The following ERC2 variants were observed in gnomAD, a reference collection of about 807,000 sequenced individuals.
The protein encoded by ERC2 is ELKS/RAB6-interacting/CAST family member 2.
In ERC2, 42 loss-of-function variants were observed where a neutral mutation model predicts 114.8. The observed-to-expected ratio is 0.37, with a 90% CI of 0.29 to 0.47. The LOEUF is 0.47. ERC2 is among the 20% of genes least tolerant of loss of function. The probability of loss-of-function intolerance (pLI) is 0.99; values close to 1 mark genes in which losing one functional copy is unlikely to be tolerated. For synonymous variants in ERC2, 454 were observed against 425.5 expected (o/e 1.07, Z -0.82); for missense variants, 939 against 1,150.7 (o/e 0.82, Z 2.66).
chr3:55,990,200 C>A (rs1386135107), intron 11 of ERC2, among the ~76,000 whole-genome samples: 1 of 152,006 alleles, frequency 6.6e-6, no homozygotes, highest in African/African-American at 2.4e-5. Flanking sequence ...AAAATTAAAA[C>A]AAAGCCCTTT....
chr3:56,452,137 T>C (rs1192672654), intron 1 of ERC2, among the ~76,000 whole-genome samples: 2 of 152,366 alleles, frequency 1.3e-5, no homozygotes, highest in East Asian at 3.9e-4. Context: ...AGGATATTCT[T>C]GATCAGCACA....
intron 14 of ERC2, among the ~76,000 whole-genome samples, chr3:55,831,138 T>C (rs1236722651): frequency 1.5e-5 from 2 of 132,140 alleles, no homozygotes; most frequent in East Asian, 2.1e-4. Context: ...AAGACCCCTC[T>C]CTACAAAAAA....
intron 14 of ERC2, among the ~76,000 whole-genome samples, chr3:55,832,778 GAGA>G (rs2060666715): frequency 6.6e-6 from 1 of 152,216 alleles, no homozygotes. Flanking sequence ...GACGAGTTGA[GAGA>G]AGAAGGCCTC....
At chr3:55,876,103 A>G (rs1326931136) in intron 14 of ERC2, among the ~76,000 whole-genome samples, 3 of 152,182 alleles carry the variant, frequency 2.0e-5, no homozygotes, top group African/African-American at 7.2e-5. Context: ...TTTAGGAGGG[A>G]CCAAGAACAT....
chr3:55,609,128 C>T (rs1284341928), intron 17 of ERC2, among the ~76,000 whole-genome samples: 5 of 152,116 alleles, frequency 3.3e-5, no homozygotes, highest in South Asian at 2.1e-4. Context: ...TTAACAGCAA[C>T]GCTAGGGCAA....
At chr3:56,386,982 G>C (rs1197859076) in intron 2 of ERC2, among the ~76,000 whole-genome samples, 1 of 152,140 alleles carries the variant, frequency 6.6e-6, no homozygotes, top group Non-Finnish European at 1.5e-5. Flanking sequence ...CCTGTGAGAG[G>C]GACCTGCGTG....
intron 12 of ERC2, among the ~76,000 whole-genome samples, chr3:55,966,299 T>C (rs2068744797): frequency 1.3e-5 from 2 of 152,102 alleles, no homozygotes; most frequent in Admixed American, 6.6e-5. Flanking sequence ...TTCATGAAAA[T>C]CCTGGGTACC....
intron 1 of ERC2, among the ~76,000 whole-genome samples, chr3:56,448,884 A>G (rs974666800): frequency 4.6e-5 from 7 of 152,042 alleles, no homozygotes; most frequent in African/African-American, 1.7e-4. Flanking sequence ...GACCATCCTG[A>G]TTAACACGGT....
At chr3:55,651,991 A>C (rs919913259) in intron 17 of ERC2, among the ~76,000 whole-genome samples, 14 of 152,290 alleles carry the variant, frequency 9.2e-5, no homozygotes, top group African/African-American at 3.4e-4. Flanking sequence ...TGTCCCAGAA[A>C]AGCTCTTCAG....
chr3:55,980,984 G>A (rs1056063388), intron 12 of ERC2, among the ~76,000 whole-genome samples: 14 of 152,180 alleles, frequency 9.2e-5, no homozygotes, highest in African/African-American at 3.4e-4. Context: ...TCAAGCAAAA[G>A]CTAAAGAGAA....
At chr3:55,542,794 C>T (rs2054485293) in intron 17 of ERC2, among the ~76,000 whole-genome samples, 1 of 152,200 alleles carries the variant, frequency 6.6e-6, no homozygotes, top group East Asian at 1.9e-4. Context: ...GACTAGTTAC[C>T]TCTTGACTAA....
intron 14 of ERC2, among the ~76,000 whole-genome samples, chr3:55,815,820 G>A (rs1282526108): frequency 6.6e-6 from 1 of 152,136 alleles, no homozygotes; most frequent in African/African-American, 2.4e-5. Context: ...CTGGTAAGGG[G>A]GTAAAGAAGT....
At chr3:56,193,266 C>A (rs1195473500) in intron 3 of ERC2, among the ~76,000 whole-genome samples, 1 of 152,166 alleles carries the variant, frequency 6.6e-6, no homozygotes, top group East Asian at 1.9e-4. Context: ...GTACTCCCAG[C>A]ACTTTGGGAG....
At chr3:56,254,484 G>A (rs754436113) in intron 3 of ERC2, among the ~76,000 whole-genome samples, 1 of 152,134 alleles carries the variant, frequency 6.6e-6, no homozygotes, top group Non-Finnish European at 1.5e-5. Context: ...TGTTAAGGAG[G>A]AGGCCCCACC....
At chr3:55,811,490 T>C (rs918612918) in intron 14 of ERC2, among the ~76,000 whole-genome samples, 4 of 152,180 alleles carry the variant, frequency 2.6e-5, no homozygotes, top group African/African-American at 9.6e-5. Flanking sequence ...ACACAGTCCA[T>C]GTTTTCAGCT....
At chr3:55,960,933 G>A (rs938728119) in intron 12 of ERC2, among the ~76,000 whole-genome samples, 6 of 152,330 alleles carry the variant, frequency 3.9e-5, no homozygotes, top group Admixed American at 6.5e-5. Context: ...TCAGGAGTTC[G>A]AGACAAGCCT....
chr3:56,101,810 T>G (rs376973496), intron 6 of ERC2, among the ~76,000 whole-genome samples: 1 of 152,100 alleles, frequency 6.6e-6, no homozygotes, highest in Non-Finnish European at 1.5e-5. Context: ...AAGAGGAAAT[T>G]GGGTCACTCA....
At chr3:56,159,340 A>T (rs1376585751) in intron 4 of ERC2, among the ~76,000 whole-genome samples, 1 of 152,176 alleles carries the variant, frequency 6.6e-6, no homozygotes. Context: ...AGAGGAAAAA[A>T]ATCCTTTATA....
intron 17 of ERC2, among the ~76,000 whole-genome samples, chr3:55,673,301 G>A (rs1181598272): frequency 1.3e-5 from 2 of 152,204 alleles, no homozygotes; most frequent in African/African-American, 4.8e-5. Context: ...AAGGGGAGCA[G>A]AGGCCGGGCA....
Sources: gnomAD v4.1 joint callset for allele counts (sites outside exome capture counted in the v4.1 genomes callset) on GRCh38, gnomAD v4.1.1 for gene constraint, MANE v1.5 for transcripts, NCBI Gene and HGNC (gene_info 2026-07-23, HGNC 2026-07-21) for gene names.